Variants in SYT16 observed in about 807,000 individuals in gnomAD.
SYT16 encodes the protein synaptotagmin-16.
In SYT16, 42 loss-of-function variants were observed where a neutral mutation model predicts 61.4. The ratio of observed to expected loss-of-function variants is 0.68; its 90% CI spans 0.53 to 0.89. SYT16 has a LOEUF of 0.89. SYT16 is among the 40% of genes least tolerant of loss of function. The pLI, the probability that SYT16 is intolerant of heterozygous loss-of-function variation, is 0.00. For missense variants in SYT16, 804 were observed against 807.3 expected (o/e 1.00, Z 0.05); for synonymous variants, 314 against 302.3 (o/e 1.04, Z -0.40).
intron 3 of SYT16, among the ~76,000 whole-genome samples, chr14:62,061,591 G>A (rs561342614): frequency 6.6e-6 from 1 of 152,120 alleles, no homozygotes; most frequent in African/African-American, 2.4e-5. Context: ...GGAAGCTAGT[G>A]CAGTTACATT....
Position 62,104,594 on chromosome 14 carries a change from A to G in SYT16, c.*3887A>G, listed in dbSNP as rs1330606515. 1 of 152,214 alleles carries G rather than the reference A, an allele frequency of 6.6e-6. No homozygotes were observed. The highest frequency in any genetic ancestry group is 1.5e-5 in the Non-Finnish European group (1 of 68,028). The allele number at this position is 152,214 out of a possible 1,614,324, so 9.4% of individuals were successfully genotyped here. A position where few individuals can be genotyped will look rare whatever the true frequency, so the allele number is the denominator to read the frequency against. ...AGAGTAAACTAATAAACCAAAATAC[A>G]TATCAGATCAACTAGCTATCACTTT... On this transcript the variant is annotated 3_prime_UTR_variant, in exon 8 of 8. Transcript: ENST00000683842.
At chr14:61,966,507 A>G (rs1381923007) in intron 1 of SYT16, among the ~76,000 whole-genome samples, 1 of 152,082 alleles carries the variant, frequency 6.6e-6, no homozygotes, top group East Asian at 1.9e-4. Flanking sequence ...TAATAAATAC[A>G]AATATTTATA....
intron 1 of SYT16, among the ~76,000 whole-genome samples, chr14:61,948,999 G>C (rs1405779464): frequency 6.6e-6 from 1 of 152,196 alleles, no homozygotes; most frequent in East Asian, 1.9e-4. Context: ...GGAGGAGACA[G>C]CTGAGTCATC....
At chr14:61,837,070 A>G (rs1422196102) in intron 1 of SYT16, among the ~76,000 whole-genome samples, 1 of 151,982 alleles carries the variant, frequency 6.6e-6, no homozygotes, top group Non-Finnish European at 1.5e-5. Context: ...TTTGACATTG[A>G]GCTTATCTTT....
rs2057481541 is a variant in SYT16 at position 62,104,609 on chromosome 14, G to C, written c.*3902G>C. ...ACCAAAATACATATCAGATCAACTA[G>C]CTATCACTTTTCTAAAACTTGTAGA... On this transcript the variant is annotated 3_prime_UTR_variant, in exon 8 of 8. Transcript: ENST00000683842. 6.6e-6 allele frequency: 1 copy of C among 152,180 alleles called. No homozygotes were observed. The highest frequency in any genetic ancestry group is 1.5e-5 in the Non-Finnish European group (1 of 68,032). The allele number at this position is 152,180 out of a possible 1,614,324, so 9.4% of individuals were successfully genotyped here.
intron 1 of SYT16, among the ~76,000 whole-genome samples, chr14:61,955,103 C>T (rs1162336756): frequency 5.9e-5 from 9 of 151,888 alleles, no homozygotes; most frequent in Non-Finnish European, 1.2e-4. Flanking sequence ...GTATATAGTA[C>T]CTAACTGATT....
intron 1 of SYT16, among the ~76,000 whole-genome samples, chr14:61,951,019 C>T (rs937812072): frequency 2.0e-5 from 3 of 152,138 alleles, no homozygotes; most frequent in Non-Finnish European, 4.4e-5. Context: ...ATGGTTATTA[C>T]CTAAATGGTT....
At chr14:61,926,659 T>C (rs1566686536) in intron 1 of SYT16, among the ~76,000 whole-genome samples, 1 of 152,192 alleles carries the variant, frequency 6.6e-6, no homozygotes, top group Non-Finnish European at 1.5e-5. Context: ...TGGCCAGATA[T>C]TACCTCTGAA....
intron 3 of SYT16, among the ~76,000 whole-genome samples, chr14:62,007,908 T>A (rs1164655545): frequency 6.6e-6 from 1 of 151,604 alleles, no homozygotes; most frequent in Non-Finnish European, 1.5e-5. Context: ...AATCACTTGA[T>A]AATTTTTTTT....
intron 1 of SYT16, among the ~76,000 whole-genome samples, chr14:61,863,938 A>G (rs1327573099): frequency 6.6e-6 from 1 of 152,158 alleles, no homozygotes; most frequent in Non-Finnish European, 1.5e-5. Flanking sequence ...TGTGGGTCTA[A>G]TTCTTGGCCC....
chr14:62,098,516 G>C (rs1043311007), intron 7 of SYT16, among the ~76,000 whole-genome samples: 1 of 152,138 alleles, frequency 6.6e-6, no homozygotes, highest in African/African-American at 2.4e-5. Flanking sequence ...CTATATTGAC[G>C]CTAGTCACTG....
At chr14:62,041,031 T>C (rs2054709113) in intron 3 of SYT16, among the ~76,000 whole-genome samples, 1 of 152,118 alleles carries the variant, frequency 6.6e-6, no homozygotes, top group African/African-American at 2.4e-5. Flanking sequence ...AGGAAGCCAG[T>C]CCGAGTTCGA....
rs973531406 is a variant in SYT16, at chr14:62,101,152, C to T, written c.*445C>T. The T allele has an allele frequency of 4.5e-5, 7 of 154,470 alleles. No individual in the cohort carries two copies. Among genetic ancestry groups the T allele is most frequent in the Non-Finnish European group, 8.6e-5 (6 of 69,382 alleles). The allele number at this position is 154,470 out of a possible 1,614,324, so 9.6% of individuals were successfully genotyped here. A position where few individuals can be genotyped will look rare whatever the true frequency, so the allele number is the denominator to read the frequency against. ...AAAACTCCAAAATATAGATATGAAT[C>T]AGATGCTGAGCCTCATAAAAGAATC... On this transcript the variant is annotated 3_prime_UTR_variant, in exon 8 of 8. Coordinates refer to ENST00000683842, the MANE Select transcript of SYT16 (RefSeq NM_001367656.1).
intron 3 of SYT16, among the ~76,000 whole-genome samples, chr14:62,000,327 T>C (rs1311366052): frequency 6.6e-6 from 1 of 151,706 alleles, no homozygotes; most frequent in African/African-American, 2.4e-5. Context: ...TGTACCATTT[T>C]TACCTCTAGT....
At chr14:61,824,670 T>G (rs2045721503) in intron 1 of SYT16, among the ~76,000 whole-genome samples, 1 of 152,148 alleles carries the variant, frequency 6.6e-6, no homozygotes, top group African/African-American at 2.4e-5. Flanking sequence ...CATTTTAATG[T>G]TTGCCCAGTT....
At chr14:62,060,672 T>C (rs1350240500) in intron 3 of SYT16, among the ~76,000 whole-genome samples, 8 of 152,044 alleles carry the variant, frequency 5.3e-5, no homozygotes. Context: ...GTAAACCTTA[T>C]GTGGTCATAA....
chr14:61,931,517 A>G (rs897629425), intron 1 of SYT16, among the ~76,000 whole-genome samples: 2 of 152,220 alleles, frequency 1.3e-5, no homozygotes, highest in African/African-American at 4.8e-5. Context: ...TCATATGCCT[A>G]CATCTGTATT....
At chr14:61,916,126 C>T (rs1336212028) in intron 1 of SYT16, among the ~76,000 whole-genome samples, 1 of 152,142 alleles carries the variant, frequency 6.6e-6, no homozygotes, top group Non-Finnish European at 1.5e-5. Context: ...AGATGACTTG[C>T]ATTGTATTTG....
intron 2 of SYT16, among the ~76,000 whole-genome samples, chr14:61,976,184 C>T (rs1040706181): frequency 2.0e-5 from 3 of 152,184 alleles, no homozygotes; most frequent in Admixed American, 6.5e-5. Flanking sequence ...GGTGGGTTCC[C>T]ATGGTCTTTG....
Sources: gnomAD v4.1 joint callset for allele counts (sites outside exome capture counted in the v4.1 genomes callset) on GRCh38, gnomAD v4.1.1 for gene constraint, MANE v1.5 for transcripts, NCBI Gene and HGNC (gene_info 2026-07-23, HGNC 2026-07-21) for gene names.